Variants in TRIM33 observed in about 807,000 individuals in gnomAD.
TRIM33 encodes E3 ubiquitin-protein ligase TRIM33.
In TRIM33, 20 loss-of-function variants were observed where a neutral mutation model predicts 125.4. The observed-to-expected ratio is 0.16, with a 90% CI of 0.11 to 0.23. TRIM33 has a LOEUF of 0.23. TRIM33 is among the 10% of genes least tolerant of loss of function. The pLI is 1.00. For missense variants in TRIM33, 920 were observed against 1,411.4 expected, an observed-to-expected ratio of 0.65 and a Z score of 5.58; for synonymous variants, 564 against 513.9, an observed-to-expected ratio of 1.10 and a Z score of -1.32.
At chr1:114,465,033 C>A (rs543624805) in intron 1 of TRIM33, among the ~76,000 whole-genome samples, 1 of 152,310 alleles carries the variant, frequency 6.6e-6, no homozygotes, top group East Asian at 1.9e-4. Flanking sequence ...AATGGTAAAA[C>A]AGTAAGACAG....
Position 114,396,560 on chromosome 1 carries a change from G to A in TRIM33, c.*1088C>T, listed in dbSNP as rs952963462. ...TGAATGTGAACATTAGAAATAGACA[G>A]CATATATTACAAATCCATTCTTGAT... On this transcript the variant is annotated 3_prime_UTR_variant, in exon 20 of 20. Transcript: ENST00000358465. 6.6e-5 allele frequency: 13 copies of A among 198,238 alleles called. No homozygotes were observed. The Admixed American group carries it at 7.9e-4, about 12-fold the overall frequency. The allele number at this position is 198,238 out of a possible 1,614,324, so 12.3% of individuals were successfully genotyped here. A position where few individuals can be genotyped will look rare whatever the true frequency, so the allele number is the denominator to read the frequency against.
intron 9 of TRIM33, among the ~76,000 whole-genome samples, chr1:114,425,142 A>G (rs1489972960): frequency 6.6e-6 from 1 of 152,216 alleles, no homozygotes; most frequent in Admixed American, 6.5e-5. Context: ...AGGCAGAAAC[A>G]GTCTGGTCCT....
rs73007261 is a variant in TRIM33 at position 114,463,347 on chromosome 1, T to C, written c.790+65A>G. On this transcript the variant is annotated intron_variant, in intron 3 of 19. Coordinates refer to ENST00000358465, the MANE Select transcript of TRIM33 (RefSeq NM_015906.4). ...AGTTTATAAAGAATAAGTAGAAAATTCTATAGGGGCAAAAGAAGGAGGTTA... is the reference window on the plus strand; with the variant it reads ...AGTTTATAAAGAATAAGTAGAAAATCCTATAGGGGCAAAAGAAGGAGGTTA... The C allele has an allele frequency of 3.8e-6, 6 of 1,560,854 alleles. No individual in the cohort carries two copies. The African/African-American group carries it at 6.9e-5, about 18-fold the overall frequency.
intron 4 of TRIM33, among the ~76,000 whole-genome samples, chr1:114,437,442 G>A (rs1477576426): frequency 3.3e-5 from 5 of 152,078 alleles, no homozygotes; most frequent in African/African-American, 7.2e-5. Flanking sequence ...GGGTGCAAGC[G>A]ATTCTCCTGC....
chr1:114,450,223 C>T (rs1649228015), intron 4 of TRIM33, among the ~76,000 whole-genome samples: 1 of 152,206 alleles, frequency 6.6e-6, no homozygotes, highest in South Asian at 2.1e-4. Flanking sequence ...CGCACCATCG[C>T]ACTCCAGCCT....
At chr1:114,444,737 GAA>G (rs1344199853) in intron 4 of TRIM33, among the ~76,000 whole-genome samples, 2 of 152,140 alleles carry the variant, frequency 1.3e-5, no homozygotes. Context: ...AAAATTTCTA[GAA>G]TTTCTACAGT....
chr1:114,472,857 T>C (rs1408054395), intron 1 of TRIM33, among the ~76,000 whole-genome samples: 1 of 151,946 alleles, frequency 6.6e-6, no homozygotes. Flanking sequence ...CAAGAAAATT[T>C]TGAAAAGACT....
At chr1:114,417,819 C>T (rs193215565) in intron 11 of TRIM33, among the ~76,000 whole-genome samples, 3 of 152,068 alleles carry the variant, frequency 2.0e-5, no homozygotes, top group South Asian at 4.1e-4. Context: ...CCACCATGCC[C>T]GGCTAATTTT....
intron 6 of TRIM33, 26 bp from the exon 7 acceptor site, chr1:114,427,920 T>C: frequency 2.5e-6 from 4 of 1,608,502 alleles, no homozygotes; most frequent in Non-Finnish European, 2.6e-6. Context: ...AGCTTCGCTG[T>C]AGAATTCCAT....
rs1404687036 is a variant in TRIM33, at chr1:114,424,617, T to C, written c.1834A>G (p.Met612Val). The change falls in exon 10 of 20, where the codon ATG (methionine) becomes GTG (valine). Residue 612 changes from methionine (M) to valine (V), a missense_variant. Transcript: ENST00000358465. ...IPRHSGPQYS[M>V]MQPHLQRQHS... is the part of the protein sequence containing the mutation. Reference sequence around the variant, plus strand: ...TGTCTTTGGAGGTGTGGCTGCATCATGGAATATTGAGGGCCGCTGTGCCTG... The same window carrying C: ...TGTCTTTGGAGGTGTGGCTGCATCACGGAATATTGAGGGCCGCTGTGCCTG... 5 of 1,601,646 alleles carry C rather than the reference T, an allele frequency of 3.1e-6. No homozygotes were observed. Among genetic ancestry groups the C allele is most frequent in the Non-Finnish European group, 4.3e-6 (5 of 1,175,458 alleles).
intron 1 of TRIM33, among the ~76,000 whole-genome samples, chr1:114,493,053 T>A (rs993631093): frequency 6.6e-6 from 1 of 152,200 alleles, no homozygotes; most frequent in Non-Finnish European, 1.5e-5. Flanking sequence ...TTTCTCCACA[T>A]CCTTGCCAAC....
At position 114,396,813 on chromosome 1, in the gene TRIM33, C is replaced by G. The variant is rs989133075; in HGVS notation, c.*835G>C. 1 of 209,540 alleles carries G rather than the reference C, an allele frequency of 4.8e-6. No homozygotes were observed. The allele number at this position is 209,540 out of a possible 1,614,324, so 13.0% of individuals were successfully genotyped here. On this transcript the variant is annotated 3_prime_UTR_variant, in exon 20 of 20. Transcript: ENST00000358465. ...TGTCACCTTCTCAAATTTAAATGTA[C>G]AGAAAACTAGATTAATTTTGAAACA...
chr1:114,443,404 T>C (rs902256254), intron 4 of TRIM33, among the ~76,000 whole-genome samples: 10 of 151,990 alleles, frequency 6.6e-5, no homozygotes, highest in African/African-American at 2.2e-4. Context: ...AATGAATGAA[T>C]GAATGAATGA....
chr1:114,457,828 A>T (rs1341283631), intron 4 of TRIM33, among the ~76,000 whole-genome samples: 1 of 152,220 alleles, frequency 6.6e-6, no homozygotes. Flanking sequence ...CTCAGCGGGC[A>T]TGTGATTTTC....
At chr1:114,407,181 C>A in intron 13 of TRIM33, 81 bp from the exon 14 acceptor site, 1 of 1,224,892 alleles carries the variant, frequency 8.2e-7, no homozygotes, top group Non-Finnish European at 1.1e-6. Flanking sequence ...AAGTAATGTT[C>A]ACTAAAGTGA....
intron 8 of TRIM33, among the ~76,000 whole-genome samples, chr1:114,426,502 G>T: frequency 6.8e-6 from 1 of 148,064 alleles, no homozygotes. Context: ...TATATGCAAA[G>T]ATTACTTTTT....
At chr1:114,474,782 C>T (rs996194588) in intron 1 of TRIM33, among the ~76,000 whole-genome samples, 6 of 151,428 alleles carry the variant, frequency 4.0e-5, no homozygotes, top group African/African-American at 1.2e-4. Context: ...ATCCCAGCTA[C>T]TCAGGAGGCT....
At chr1:114,491,016 G>A (rs1652029683) in intron 1 of TRIM33, among the ~76,000 whole-genome samples, 1 of 151,890 alleles carries the variant, frequency 6.6e-6, no homozygotes, top group Admixed American at 6.6e-5. Context: ...ATGGTTTGGG[G>A]GTAAGTGAGT....
Position 114,510,699 on chromosome 1 carries a change from G to A in TRIM33, c.378C>T (p.Ala126=), listed in dbSNP as rs771682684. Reference sequence around the variant, plus strand: ...GGCTCTGCAAGCTCTGCTGACACACGGCGCAGGTGTCCAGGAGCGAGGCTG... The same window carrying A: ...GGCTCTGCAAGCTCTGCTGACACACAGCGCAGGTGTCCAGGAGCGAGGCTG... ...GPPASLLDTC[A]VCQQSLQSRR... The change falls in exon 1 of 20, where the codon GCC becomes GCT. Residue 126 remains alanine, a synonymous_variant. Coordinates refer to ENST00000358465, the MANE Select transcript of TRIM33 (RefSeq NM_015906.4). 3.9e-6 allele frequency: 6 copies of A among 1,543,100 alleles called. No homozygotes were observed. The African/African-American group carries it at 5.5e-5, about 14-fold the overall frequency.
Sources: allele counts gnomAD v4.1 joint callset (sites outside exome capture counted in the v4.1 genomes callset), GRCh38; gene constraint gnomAD v4.1.1; transcripts MANE v1.5; gene names NCBI Gene and HGNC (gene_info 2026-07-23, HGNC 2026-07-21).